Variants in KCNIP4 observed in about 807,000 individuals in gnomAD.
KCNIP4 encodes the protein Kv channel-interacting protein 4.
A neutral mutation model predicts 34.0 loss-of-function variants in KCNIP4; 12 were observed. The ratio of observed to expected loss-of-function variants is 0.35; its 90% CI spans 0.23 to 0.57. The LOEUF is 0.57. KCNIP4 is among the 20% of genes least tolerant of loss of function. The pLI is 0.83. For synonymous variants in KCNIP4, 124 were observed against 102.2 expected (o/e 1.21, Z -1.29); for missense variants, 238 against 311.7 (o/e 0.76, Z 1.78).
intron 1 of KCNIP4, among the ~76,000 whole-genome samples, chr4:21,416,985 G>T (rs1725002714): frequency 6.6e-6 from 1 of 152,132 alleles, no homozygotes; most frequent in Non-Finnish European, 1.5e-5. Flanking sequence ...TTCTCTTAAA[G>T]ATAAATAAAT....
intron 1 of KCNIP4, among the ~76,000 whole-genome samples, chr4:21,392,487 T>A (rs1036078358): frequency 1.6e-4 from 25 of 152,332 alleles, no homozygotes; most frequent in South Asian, 8.3e-4. Flanking sequence ...CTTGTCATTT[T>A]CCTGAGCACT....
Position 21,915,550 on chromosome 4 carries a change from C to T in KCNIP4, c.61+33021G>A, listed in dbSNP as rs1728581792. 1.3e-5 allele frequency among the ~76,000 whole-genome samples: 2 copies of T among 152,186 alleles called. 1 individual carries two copies. Among genetic ancestry groups the T allele is most frequent in the South Asian group, 4.1e-4 (2 of 4,832 alleles). On this transcript the variant is annotated intron_variant, in intron 1 of 8. Transcript: ENST00000382152. ...TTCTCCTCCAAACCTCCACAATCATCATATATGTTTTTATCAATTCTTCCC... is the reference window on the plus strand; with the variant it reads ...TTCTCCTCCAAACCTCCACAATCATTATATATGTTTTTATCAATTCTTCCC...
chr4:21,740,249 T>C (rs1716304035), intron 1 of KCNIP4, among the ~76,000 whole-genome samples: 2 of 152,094 alleles, frequency 1.3e-5, no homozygotes, highest in Admixed American at 1.3e-4. Context: ...AATATTTATA[T>C]ATGCACAGTA....
chr4:20,812,115 G>A (rs1318457923), intron 3 of KCNIP4, among the ~76,000 whole-genome samples: 1 of 152,172 alleles, frequency 6.6e-6, no homozygotes, highest in Admixed American at 6.6e-5. Flanking sequence ...ACATGTTTGC[G>A]TAAAGAAAGA....
intron 1 of KCNIP4, among the ~76,000 whole-genome samples, chr4:21,149,951 G>C (rs1206006646): frequency 6.6e-6 from 1 of 152,178 alleles, no homozygotes; most frequent in Non-Finnish European, 1.5e-5. Flanking sequence ...ATAATATTCA[G>C]TACTAGCTAC....
At chr4:21,489,526 C>G (rs1486243587) in intron 1 of KCNIP4, among the ~76,000 whole-genome samples, 5 of 151,960 alleles carry the variant, frequency 3.3e-5, no homozygotes, top group Non-Finnish European at 7.4e-5. Context: ...TTCTGTAGTC[C>G]CATCATAAAT....
chr4:21,434,880 G>A (rs146984688), intron 1 of KCNIP4, among the ~76,000 whole-genome samples: 1 of 151,880 alleles, frequency 6.6e-6, no homozygotes, highest in African/African-American at 2.4e-5. Context: ...TTTCTGGCTG[G>A]GTGTTCTAGA....
chr4:21,344,190 C>A (rs933300004), intron 1 of KCNIP4, among the ~76,000 whole-genome samples: 13 of 152,024 alleles, frequency 8.6e-5, no homozygotes, highest in Non-Finnish European at 8.8e-5. Context: ...GTCTATAGGA[C>A]CAACCTACAA....
At chr4:21,594,260 G>A (rs1002775921) in intron 1 of KCNIP4, among the ~76,000 whole-genome samples, 5 of 152,158 alleles carry the variant, frequency 3.3e-5, no homozygotes, top group African/African-American at 1.2e-4. Context: ...ATAGAGTTTA[G>A]AGATATAGAA....
At chr4:21,002,428 G>A (rs559950442) in intron 1 of KCNIP4, among the ~76,000 whole-genome samples, 4 of 152,182 alleles carry the variant, frequency 2.6e-5, no homozygotes, top group Admixed American at 6.5e-5. Flanking sequence ...CAGAATACTC[G>A]TACTCCATTC....
chr4:21,890,608 G>C (rs1324188942), intron 1 of KCNIP4, among the ~76,000 whole-genome samples: 1 of 152,028 alleles, frequency 6.6e-6, no homozygotes, highest in African/African-American at 2.4e-5. Flanking sequence ...GGATGAGGAA[G>C]ACACAGTCCC....
At chr4:21,497,445 A>G (rs1732942686) in intron 1 of KCNIP4, among the ~76,000 whole-genome samples, 1 of 151,964 alleles carries the variant, frequency 6.6e-6, no homozygotes, top group African/African-American at 2.4e-5. Flanking sequence ...TTCAGTGCAA[A>G]TGCCCTCCCC....
intron 1 of KCNIP4, among the ~76,000 whole-genome samples, chr4:21,070,405 G>A (rs1744786565): frequency 6.6e-6 from 1 of 151,020 alleles, no homozygotes; most frequent in Non-Finnish European, 1.5e-5. Flanking sequence ...TTTTTAAAGT[G>A]TCCAACTAGT....
chr4:21,431,853 A>G (rs573085636), intron 1 of KCNIP4, among the ~76,000 whole-genome samples: 5 of 139,662 alleles, frequency 3.6e-5, no homozygotes, highest in African/African-American at 5.4e-5. Context: ...ACATTTTAGG[A>G]AAAAAAAAAG....
In KCNIP4 at chr4:20,729,936, G is replaced by A. The variant is rs1006380906; in HGVS notation, c.*146C>T. 7 of 875,550 alleles carry A rather than the reference G, an allele frequency of 8.0e-6. No individual in the cohort carries two copies. In the African/African-American group the frequency reaches 1.2e-4, roughly 15 times the overall value. 54.2% of individuals were successfully genotyped at this position (875,550 alleles called of 1,614,324 possible). On this transcript the variant is annotated 3_prime_UTR_variant, in exon 9 of 9. Transcript: ENST00000382152. ...ATAACTGAAAGCTCAAATCTTTTGG[G>A]GATTGCTTTATATTAAAACAAAGCT... is the stretch of plus-strand genomic sequence containing the variant.
chr4:20,915,467 C>T (rs532006825), intron 1 of KCNIP4, among the ~76,000 whole-genome samples: 162 of 152,224 alleles, frequency 1.1e-3, no homozygotes, highest in African/African-American at 3.7e-3. Context: ...GCTTTACAAG[C>T]AATCTATTAA....
intron 1 of KCNIP4, among the ~76,000 whole-genome samples, chr4:21,330,903 G>T (rs1014209133): frequency 2.0e-5 from 3 of 152,072 alleles, no homozygotes; most frequent in Non-Finnish European, 4.4e-5. Context: ...AGGAATCAAT[G>T]GTACCCTAAA....
chr4:21,065,756 AT>A (rs1560690342), intron 1 of KCNIP4, among the ~76,000 whole-genome samples: 5,131 of 142,618 alleles, frequency 0.036, 155 homozygotes, highest in East Asian at 0.11. Flanking sequence ...ATATATATAT[AT>A]ATATATATAA....
intron 1 of KCNIP4, among the ~76,000 whole-genome samples, chr4:21,512,605 C>A (rs1015724113): frequency 1.3e-5 from 2 of 152,018 alleles, no homozygotes; most frequent in Non-Finnish European, 2.9e-5. Context: ...GAGACTCAGG[C>A]CACAGAGATA....
Sources: allele counts gnomAD v4.1 joint callset (sites outside exome capture counted in the v4.1 genomes callset), GRCh38; gene constraint gnomAD v4.1.1; transcripts MANE v1.5; gene names NCBI Gene and HGNC (gene_info 2026-07-23, HGNC 2026-07-21).